The following ZYG11B variants were observed in gnomAD, a reference collection of about 807,000 sequenced individuals.
ZYG11B encodes the protein protein zyg-11 homolog B.
Under a neutral mutation model 82.4 loss-of-function variants are expected in ZYG11B, and 36 were observed. That is an observed-to-expected ratio of 0.44 (90% CI 0.33 to 0.58). The LOEUF (loss-of-function observed/expected upper bound fraction) is 0.58. Among genes scored for constraint, ZYG11B ranks in the 20% least tolerant of loss-of-function variants. The pLI is 0.02. For missense variants in ZYG11B, 552 were observed against 895.6 expected (o/e 0.62, Z 4.90); for synonymous variants, 303 against 312.8 (o/e 0.97, Z 0.33).
chr1:52,802,417 A>G (rs1358593719), intron 10 of ZYG11B, among the ~76,000 whole-genome samples: 1 of 140,276 alleles, frequency 7.1e-6, no homozygotes, highest in African/African-American at 2.7e-5. Flanking sequence ...GTGTGATCAC[A>G]GCTCACTGCA....
chr1:52,735,517 G>A (rs1223301501), intron 1 of ZYG11B, among the ~76,000 whole-genome samples: 1 of 152,036 alleles, frequency 6.6e-6, no homozygotes, highest in Non-Finnish European at 1.5e-5. Flanking sequence ...AAAGACTGGA[G>A]GCGTGCCACT....
In ZYG11B at chr1:52,776,229, A is replaced by AATATATATATATATATATATATAT. The variant is rs1293809937; in HGVS notation, c.952-3608_952-3607insATATATATATATATATATATATAT. On this transcript the variant is annotated intron_variant, in intron 3 of 13. Transcript: ENST00000294353. ...AGCAAAACTCTGTCTTAAAAAAAAA[A>AATATATATATATATATATATATAT]ATATATATATATATATGCAATAAAG... 5.1e-3 allele frequency among the ~76,000 whole-genome samples: 120 copies of AATATATATATATATATATATATAT among 23,524 alleles called. 13 individuals are homozygous for AATATATATATATATATATATATAT. The highest frequency in any genetic ancestry group is 0.012 in the South Asian group (5 of 422). The allele number at this position is 23,524 out of a possible 152,430, so 15.4% of individuals were successfully genotyped here. A position where few individuals can be genotyped will look rare whatever the true frequency, so the allele number is the denominator to read the frequency against.
intron 2 of ZYG11B, among the ~76,000 whole-genome samples, chr1:52,761,451 T>C (rs745860715): frequency 2.0e-5 from 3 of 152,228 alleles, no homozygotes; most frequent in African/African-American, 4.8e-5. Flanking sequence ...AACTTTCTGC[T>C]CCTGGCTTAT....
intron 10 of ZYG11B, among the ~76,000 whole-genome samples, chr1:52,804,755 G>A (rs143904987): frequency 2.6e-5 from 4 of 152,192 alleles, no homozygotes; most frequent in African/African-American, 9.6e-5. Flanking sequence ...AACAGGCAAA[G>A]TGTCTATGTG....
intron 1 of ZYG11B, among the ~76,000 whole-genome samples, chr1:52,732,818 A>G (rs1168970468): frequency 6.6e-6 from 1 of 151,928 alleles, no homozygotes; most frequent in Non-Finnish European, 1.5e-5. Flanking sequence ...TACTAAAAAT[A>G]CAAAAATTAG....
intron 10 of ZYG11B, among the ~76,000 whole-genome samples, chr1:52,808,133 C>T (rs1337512137): frequency 1.3e-5 from 2 of 152,086 alleles, no homozygotes; most frequent in Admixed American, 6.6e-5. Context: ...GAGGCCAAGG[C>T]GGGTGGATCA....
intron 2 of ZYG11B, among the ~76,000 whole-genome samples, chr1:52,764,305 T>G (rs1414330231): frequency 4.0e-5 from 6 of 151,116 alleles, no homozygotes; most frequent in Non-Finnish European, 5.9e-5. Flanking sequence ...TTTTTTTTTT[T>G]TGTATTTTTA....
At chr1:52,809,192 C>G (rs1238609448) in intron 10 of ZYG11B, among the ~76,000 whole-genome samples, 1 of 152,108 alleles carries the variant, frequency 6.6e-6, no homozygotes, top group East Asian at 1.9e-4. Context: ...AATTTACCAT[C>G]TTAACCATTT....
chr1:52,733,209 C>G (rs1470209518), intron 1 of ZYG11B, among the ~76,000 whole-genome samples: 1 of 152,084 alleles, frequency 6.6e-6, no homozygotes, highest in Non-Finnish European at 1.5e-5. Flanking sequence ...TCAGATTTTA[C>G]TCTGTGGTAA....
intron 1 of ZYG11B, among the ~76,000 whole-genome samples, chr1:52,741,298 C>CAAAAAAAAAAAAAAAAAA (rs770092920): frequency 1.7e-4 from 12 of 72,204 alleles, no homozygotes; most frequent in African/African-American, 3.1e-4. Context: ...GACTTCGTCT[C>CAAAAAAAAAAAAAAAAAA]AAAAAAAAAA....
chr1:52,821,892 T>C lies in ZYG11B; in HGVS notation c.*263T>C, dbSNP rs1645287308. 3.1e-6 allele frequency: 1 copy of C among 319,384 alleles called. No homozygotes were observed. Among genetic ancestry groups the C allele is most frequent in the African/African-American group, 2.1e-5 (1 of 47,194 alleles). The allele number at this position is 319,384 out of a possible 1,614,324, so 19.8% of individuals were successfully genotyped here. ...ATCTTTCAGTGTTTGAACTTACTTG[T>C]GCTTGAGATTCTACAGTTTTATGGT... On this transcript the variant is annotated 3_prime_UTR_variant, in exon 14 of 14. Coordinates refer to ENST00000294353, the MANE Select transcript of ZYG11B (RefSeq NM_024646.3).
At chr1:52,803,394 G>A (rs1178231807) in intron 10 of ZYG11B, among the ~76,000 whole-genome samples, 8 of 134,588 alleles carry the variant, frequency 5.9e-5, no homozygotes, top group Admixed American at 3.9e-4. Context: ...CTGAGACCAC[G>A]CCATTGCACT....
Position 52,743,098 on chromosome 1 carries a change from G to A in ZYG11B, c.31-13360G>A, listed in dbSNP as rs185497100. ...TGAACGGGCCATGATGACGATGGCG[G>A]TTTTGTCGAATAGAAAAGGGGGAAA... is the stretch of plus-strand genomic sequence containing the variant. On this transcript the variant is annotated intron_variant, in intron 1 of 13. Transcript: ENST00000294353. Among the ~76,000 whole-genome samples the A allele has an allele frequency of 8.2e-3, 1,240 of 152,142 alleles. 18 individuals carry two copies. In the Middle Eastern group the frequency reaches 0.13, roughly 16 times the overall value.
At chr1:52,756,815 CT>C (rs57189955) in intron 2 of ZYG11B, among the ~76,000 whole-genome samples, 192 bp downstream of exon 2, 11,129 of 132,454 alleles carry the variant, frequency 0.084, 636 homozygotes, top group African/African-American at 0.18. Flanking sequence ...AAACATTTTT[CT>C]TTTTTTTTTT....
Position 52,749,660 on chromosome 1 carries a change from A to G in ZYG11B, c.31-6798A>G, listed in dbSNP as rs529075153. Among the ~76,000 whole-genome samples, 55 of 151,928 alleles carry G rather than the reference A, an allele frequency of 3.6e-4. 1 individual carries two copies. Among genetic ancestry groups the G allele is most frequent in the Admixed American group, 1.2e-3 (19 of 15,234 alleles). On this transcript the variant is annotated intron_variant, in intron 1 of 13. Transcript: ENST00000294353. ...CTCTCGTCGCCCAGGCTGGAGTGCA[A>G]TGGTGCGATCTTGGCTCACCGCAAC...
At chr1:52,776,382 A>T (rs1426089007) in intron 3 of ZYG11B, among the ~76,000 whole-genome samples, 5 of 148,680 alleles carry the variant, frequency 3.4e-5, no homozygotes, top group Non-Finnish European at 7.5e-5. Flanking sequence ...AATACAAAAA[A>T]ATTTAGCCGG....
rs1446361918 is a variant in ZYG11B at position 52,825,227 on chromosome 1, T to C, written c.*3598T>C. On this transcript the variant is annotated 3_prime_UTR_variant, in exon 14 of 14. Transcript: ENST00000294353. ...TCTTTCTACTCCACAAAATAATTTT[T>C]TCTTTTTGCAGTTGAAAATTAACTG... 1.3e-5 allele frequency: 2 copies of C among 152,192 alleles called. No homozygotes were observed. Among genetic ancestry groups the C allele is most frequent in the Non-Finnish European group, 2.9e-5 (2 of 68,038 alleles). 9.4% of individuals were successfully genotyped at this position (152,192 alleles called of 1,614,324 possible). A position where few individuals can be genotyped will look rare whatever the true frequency, so the allele number is the denominator to read the frequency against.
intron 6 of ZYG11B, among the ~76,000 whole-genome samples, chr1:52,795,081 C>T (rs1008207361): frequency 6.6e-6 from 1 of 152,140 alleles, no homozygotes; most frequent in Non-Finnish European, 1.5e-5. Flanking sequence ...CCTGTGACGC[C>T]ACCCAAATCT....
Position 52,825,781 on chromosome 1 carries a change from A to G in ZYG11B, c.*4152A>G, listed in dbSNP as rs1645320468. The stretch of plus-strand genomic sequence containing the variant: ...TTCCCAAAGTGCTGGAATCACAGGC[A>G]TGAGCCACAGTGCCTGGTCTTAGCT... On this transcript the variant is annotated 3_prime_UTR_variant, in exon 14 of 14. Transcript: ENST00000294353. 1 of 152,050 alleles carries G rather than the reference A, an allele frequency of 6.6e-6. No individual in the cohort carries two copies. The highest frequency in any genetic ancestry group is 1.5e-5 in the Non-Finnish European group (1 of 68,052). The allele number at this position is 152,050 out of a possible 1,614,324, so 9.4% of individuals were successfully genotyped here. A position where few individuals can be genotyped will look rare whatever the true frequency, so the allele number is the denominator to read the frequency against.
Sources: gnomAD v4.1 joint callset for allele counts (sites outside exome capture counted in the v4.1 genomes callset) on GRCh38, gnomAD v4.1.1 for gene constraint, MANE v1.5 for transcripts, NCBI Gene and HGNC (gene_info 2026-07-23, HGNC 2026-07-21) for gene names.